PPP1R7: variants seen among roughly 807,000 people sequenced by gnomAD.
The protein encoded by PPP1R7 is protein phosphatase 1 regulatory subunit 7.
In PPP1R7, 18 loss-of-function variants were observed where a neutral mutation model predicts 45.2. The ratio of observed to expected loss-of-function variants is 0.40; its 90% confidence interval spans 0.28 to 0.59. PPP1R7 has a LOEUF of 0.59. Ranked by LOEUF, PPP1R7 falls within the 20% of genes least tolerant of loss-of-function variation. The pLI is 0.46. For missense variants in PPP1R7, 314 were observed against 455.8 expected, an observed-to-expected ratio of 0.69 and a Z score of 2.83; for synonymous variants, 181 against 183.4, an observed-to-expected ratio of 0.99 and a Z score of 0.11.
chr2:241,154,179 C>CAAA lies in PPP1R7; in HGVS notation c.181+598_181+600dup, dbSNP rs1167747738. Among the ~76,000 whole-genome samples, 334 of 50,386 alleles carry CAAA rather than the reference C, an allele frequency of 6.6e-3. 12 individuals are homozygous for CAAA. Among genetic ancestry groups the CAAA allele is most frequent in the African/African-American group, 0.021 (307 of 14,406 alleles). 33.1% of individuals were successfully genotyped at this position (50,386 alleles called of 152,430 possible). A position where few individuals can be genotyped will look rare whatever the true frequency, so the allele number is the denominator to read the frequency against. On this transcript the variant is annotated intron_variant, in intron 2 of 9. Coordinates refer to ENST00000234038, the MANE Select transcript of PPP1R7 (RefSeq NM_002712.3). ...TAGGTGACAGAGGGATACTCCTTCT[C>CAAA]AAAAAAAAAAAAAAAAAAAAAAAAA...
chr2:241,177,757 T>C (rs1184878397), intron 9 of PPP1R7, among the ~76,000 whole-genome samples: 1 of 152,126 alleles, frequency 6.6e-6, no homozygotes, highest in Non-Finnish European at 1.5e-5. Context: ...CCCCACCCTC[T>C]TCCCAGTAAT....
At chr2:241,181,400 C>T (rs571842832) in intron 9 of PPP1R7, among the ~76,000 whole-genome samples, 43 of 152,114 alleles carry the variant, frequency 2.8e-4, no homozygotes, top group Admixed American at 1.0e-3. Flanking sequence ...GCAGGCAGCA[C>T]GCACCTGCAG....
At chr2:241,150,276 G>A, upstream of PPP1R7, 3 of 1,319,706 alleles carry the variant, frequency 2.3e-6, no homozygotes, top group South Asian at 4.6e-5. Flanking sequence ...CCTCCAGACT[G>A]TTCCGGCTCC....
upstream of PPP1R7, chr2:241,149,868 G>A: frequency 2.1e-6 from 3 of 1,454,682 alleles, no homozygotes; most frequent in East Asian, 2.6e-5. Flanking sequence ...TGGCGCCCCG[G>A]AGCCAGCCAG....
At position 241,173,837 on chromosome 2, in the gene PPP1R7, A is replaced by T. The variant is rs564591364; in HGVS notation, c.906+3970A>T. On this transcript the variant is annotated intron_variant, in intron 9 of 9. Transcript: ENST00000234038. Reference sequence around the variant, plus strand: ...ATGATCTTATCATCTGTAGTAGCCTATCTGCTGTTAAGCCCATGTCATGAA... The same window carrying T: ...ATGATCTTATCATCTGTAGTAGCCTTTCTGCTGTTAAGCCCATGTCATGAA... Among the ~76,000 whole-genome samples, 3 of 151,554 alleles carry T rather than the reference A, an allele frequency of 2.0e-5. No individual in the cohort carries two copies. In the South Asian group the frequency reaches 6.2e-4, roughly 32 times the overall value.
intron 9 of PPP1R7, among the ~76,000 whole-genome samples, chr2:241,175,865 G>A (rs558033635): frequency 2.0e-5 from 3 of 152,232 alleles, no homozygotes; most frequent in East Asian, 1.9e-4. Flanking sequence ...TGCAGCCTCC[G>A]CTTTCCAGGT....
chr2:241,151,660 A>G (rs569020170), intron 1 of PPP1R7: 1 of 440,334 alleles, frequency 2.3e-6, no homozygotes, highest in South Asian at 1.6e-5. Flanking sequence ...GCCTCTTCAT[A>G]TCCTCCCACT....
chr2:241,179,784 T>C (rs2067969232), intron 9 of PPP1R7, among the ~76,000 whole-genome samples: 1 of 152,264 alleles, frequency 6.6e-6, no homozygotes, highest in South Asian at 2.1e-4. Context: ...CAGAGTCTCA[T>C]ACAAGTGAAT....
In PPP1R7 at chr2:241,160,545, G is replaced by A. The variant is rs533257177; in HGVS notation, c.597+51G>A. The A allele has an allele frequency of 1.7e-5, 26 of 1,495,294 alleles. No individual in the cohort carries two copies. The South Asian group carries it at 3.2e-4, about 18-fold the overall frequency. 92.6% of individuals were successfully genotyped at this position (1,495,294 alleles called of 1,614,324 possible). ...ATATTCAGGGAGAGGCAGCTAGCGG[G>A]CTGTGTGTGGACTCAGTGGGTGTAT... is the stretch of plus-strand genomic sequence containing the variant. On this transcript the variant is annotated intron_variant, in intron 6 of 9. Coordinates refer to ENST00000234038, the MANE Select transcript of PPP1R7 (RefSeq NM_002712.3).
intron 9 of PPP1R7, among the ~76,000 whole-genome samples, chr2:241,172,643 CAAA>C (rs1364917767): frequency 9.3e-5 from 9 of 96,522 alleles, no homozygotes; most frequent in Admixed American, 1.1e-4. Context: ...AACTCCGTCT[CAAA>C]AAAAAAAAAA....
chr2:241,183,550 C>G lies in PPP1R7; in HGVS notation c.*727C>G. ...GAGTCCCATTGAGCCTCTCCAAAGACGGCCTCCAAGGATCTGAACTCTTGG... is the reference window on the plus strand; with the variant it reads ...GAGTCCCATTGAGCCTCTCCAAAGAGGGCCTCCAAGGATCTGAACTCTTGG... On this transcript the variant is annotated 3_prime_UTR_variant, in exon 10 of 10. Coordinates refer to ENST00000234038, the MANE Select transcript of PPP1R7 (RefSeq NM_002712.3). The G allele has an allele frequency of 2.3e-6, 1 of 436,756 alleles. No individual in the cohort carries two copies. Among genetic ancestry groups the G allele is most frequent in the Non-Finnish European group, 4.7e-6 (1 of 210,572 alleles). 27.1% of individuals were successfully genotyped at this position (436,756 alleles called of 1,614,324 possible). A position where few individuals can be genotyped will look rare whatever the true frequency, so the allele number is the denominator to read the frequency against.
Position 241,153,546 on chromosome 2 carries a change from C to T in PPP1R7, c.123C>T (p.Ala41=), listed in dbSNP as rs781289662. The change falls in exon 2 of 10, where the codon GCC becomes GCT. Residue 41 remains alanine (A), a synonymous_variant. Coordinates refer to ENST00000234038, the MANE Select transcript of PPP1R7 (RefSeq NM_002712.3). ...EGKKHSSGIV[A]DLSEQSLKDG... is the part of the protein sequence containing the mutation. ...AGAAACACAGCAGTGGCATCGTGGC[C>T]GACCTCAGTGAACAGAGCCTGAAGG... 1.2e-5 allele frequency: 19 copies of T among 1,614,028 alleles called. No individual in the cohort carries two copies. Among genetic ancestry groups the T allele is most frequent in the Middle Eastern group, 1.6e-4 (1 of 6,080 alleles).
At chr2:241,160,663 G>A (rs1460604579) in intron 6 of PPP1R7, among the ~76,000 whole-genome samples, 169 bp downstream of exon 6, 2 of 152,196 alleles carry the variant, frequency 1.3e-5, no homozygotes, top group Non-Finnish European at 2.9e-5. Flanking sequence ...AATGCTAACT[G>A]AAAGTCAGTA....
rs558068441 is a variant in PPP1R7 at position 241,152,367 on chromosome 2, A to C, written c.53-1109A>C. ...AAGATCAGATTTGGATTTTAGAATT[A>C]GATCAGACTCTCTGGCAGGGGAGAA... On this transcript the variant is annotated intron_variant, in intron 1 of 9. Coordinates refer to ENST00000234038, the MANE Select transcript of PPP1R7 (RefSeq NM_002712.3). Among the ~76,000 whole-genome samples the C allele has an allele frequency of 2.0e-5, 3 of 152,362 alleles. No homozygotes were observed. In the South Asian group the frequency reaches 6.2e-4, roughly 32 times the overall value.
intron 9 of PPP1R7, among the ~76,000 whole-genome samples, chr2:241,177,781 A>T (rs2067932613): frequency 6.6e-6 from 1 of 152,182 alleles, no homozygotes; most frequent in Non-Finnish European, 1.5e-5. Context: ...GGGGAAAGGT[A>T]GCATCACAGT....
intron 9 of PPP1R7, among the ~76,000 whole-genome samples, chr2:241,175,558 G>A (rs994673155): frequency 6.6e-6 from 1 of 152,082 alleles, no homozygotes; most frequent in African/African-American, 2.4e-5. Context: ...ATATTGTTTT[G>A]TTCACTCTTA....
chr2:241,175,840 A>G (rs2067898927), intron 9 of PPP1R7, among the ~76,000 whole-genome samples: 1 of 152,086 alleles, frequency 6.6e-6, no homozygotes, highest in Non-Finnish European at 1.5e-5. Context: ...CTGGAGTGCA[A>G]TGGCACAATC....
intron 1 of PPP1R7, among the ~76,000 whole-genome samples, chr2:241,152,232 C>T (rs568428573): frequency 4.6e-5 from 7 of 152,358 alleles, no homozygotes; most frequent in Admixed American, 1.3e-4. Context: ...AGCTCCCTTC[C>T]ACAGACTAGG....
chr2:241,164,835 G>A (rs2067670972), intron 7 of PPP1R7, among the ~76,000 whole-genome samples: 1 of 152,032 alleles, frequency 6.6e-6, no homozygotes, highest in Non-Finnish European at 1.5e-5. Flanking sequence ...TTCATTTGAG[G>A]TCAGGAGTTT....
Sources: gnomAD v4.1 joint callset for allele counts (sites outside exome capture counted in the v4.1 genomes callset) on GRCh38, gnomAD v4.1.1 for gene constraint, MANE v1.5 for transcripts, NCBI Gene and HGNC (gene_info 2026-07-23, HGNC 2026-07-21) for gene names.